Variants in KREMEN1 observed in about 807,000 individuals in gnomAD.
KREMEN1 encodes the protein kringle containing transmembrane protein 1.
Under a neutral mutation model 46.5 loss-of-function variants are expected in KREMEN1, and 30 were observed. The observed-to-expected ratio is 0.65, with a 90% CI of 0.48 to 0.88. KREMEN1 has a LOEUF of 0.88. Among genes scored for constraint, KREMEN1 ranks in the 40% least tolerant of loss-of-function variants. The probability of loss-of-function intolerance (pLI) is 0.00; values close to 1 mark genes in which losing one functional copy is unlikely to be tolerated. For synonymous variants in KREMEN1, 214 were observed against 230.6 expected, an observed-to-expected ratio of 0.93 and a Z score of 0.65; for missense variants, 533 against 596.9, an observed-to-expected ratio of 0.89 and a Z score of 1.11.
Position 29,143,444 on chromosome 22 carries a change from A to T in KREMEN1, c.*1332A>T. ...CTTCTGGTGTCCCCCGTGTTAAAAGATAAAAAACACCCCAAGGGCCGGGCG... is the reference window on the plus strand; with the variant it reads ...CTTCTGGTGTCCCCCGTGTTAAAAGTTAAAAAACACCCCAAGGGCCGGGCG... On this transcript the variant is annotated 3_prime_UTR_variant, in exon 9 of 9. Transcript: ENST00000400335. The T allele has an allele frequency of 1.0e-6, 1 of 985,410 alleles. No homozygotes were observed. Among genetic ancestry groups the T allele is most frequent in the Non-Finnish European group, 1.2e-6 (1 of 829,994 alleles). 61.0% of individuals were successfully genotyped at this position (985,410 alleles called of 1,614,324 possible).
At chr22:29,131,551 T>G (rs1333416044) in intron 5 of KREMEN1, among the ~76,000 whole-genome samples, 2 of 99,260 alleles carry the variant, frequency 2.0e-5, no homozygotes, top group South Asian at 3.0e-4. Flanking sequence ...TATATATATA[T>G]ATATATATAT....
chr22:29,167,087 G>C (rs2039058925), exon 10 of KREMEN1: 2 of 1,551,476 alleles, frequency 1.3e-6, no homozygotes, highest in African/African-American at 2.7e-5. Context: ...TGGTCTCAGG[G>C]GCAGCCCAGA....
At chr22:29,093,421 C>G (rs1298791940) in intron 1 of KREMEN1, among the ~76,000 whole-genome samples, 1 of 152,218 alleles carries the variant, frequency 6.6e-6, no homozygotes, top group African/African-American at 2.4e-5. Context: ...GTGCCTGTCT[C>G]ATGAACCTCT....
chr22:29,136,034 G>A (rs919345609), intron 5 of KREMEN1, among the ~76,000 whole-genome samples: 2 of 152,068 alleles, frequency 1.3e-5, no homozygotes, highest in East Asian at 2.0e-4. Context: ...AAATTCTCCC[G>A]TCTCAGCCTC....
chr22:29,107,677 A>T lies in KREMEN1; in HGVS notation c.352+8724A>T, dbSNP rs974939119. Among the ~76,000 whole-genome samples, 14 of 152,196 alleles carry T rather than the reference A, an allele frequency of 9.2e-5. 1 individual carries two copies. The highest frequency in any genetic ancestry group is 2.6e-4 in the Admixed American group (4 of 15,284). On this transcript the variant is annotated intron_variant, in intron 3 of 8. Coordinates refer to ENST00000400335, the MANE Select transcript of KREMEN1 (RefSeq NM_001039570.3). ...GGTGGGAGGATCGCTAGAGCCAAGG[A>T]GTTCAAGACTAGCCTGGGCAACATA... is the stretch of plus-strand genomic sequence containing the variant.
intron 1 of KREMEN1, among the ~76,000 whole-genome samples, chr22:29,089,635 C>T (rs1035764511): frequency 6.6e-6 from 1 of 152,068 alleles, no homozygotes; most frequent in Non-Finnish European, 1.5e-5. Context: ...TATGTCATTC[C>T]CCTGCTCTAA....
chr22:29,132,026 C>A (rs980413400), intron 5 of KREMEN1, among the ~76,000 whole-genome samples: 1 of 151,592 alleles, frequency 6.6e-6, no homozygotes, highest in Non-Finnish European at 1.5e-5. Flanking sequence ...GCATGCACCA[C>A]CACACATGGC....
chr22:29,156,344 G>T (rs5763006), intron 9 of KREMEN1, among the ~76,000 whole-genome samples: 1 of 152,194 alleles, frequency 6.6e-6, no homozygotes, highest in Admixed American at 6.5e-5. Flanking sequence ...GCCACTTGCA[G>T]TACAGATGTT....
intron 1 of KREMEN1, among the ~76,000 whole-genome samples, chr22:29,090,331 T>C (rs756199697): frequency 1.4e-4 from 21 of 152,278 alleles, no homozygotes; most frequent in Middle Eastern, 3.4e-3. Context: ...AGCTACATGA[T>C]AGACCTTATG....
intron 8 of KREMEN1, among the ~76,000 whole-genome samples, 164 bp from the exon 9 acceptor site, chr22:29,141,780 G>A (rs1458329538): frequency 6.6e-6 from 1 of 152,166 alleles, no homozygotes. Flanking sequence ...GCTGCCCACA[G>A]GCCACATTTC....
chr22:29,111,285 C>T (rs1171121043), intron 3 of KREMEN1, among the ~76,000 whole-genome samples: 1 of 145,200 alleles, frequency 6.9e-6, no homozygotes, highest in African/African-American at 2.6e-5. Flanking sequence ...CCAGCCTGGG[C>T]AACAGAGTGA....
intron 2 of KREMEN1, among the ~76,000 whole-genome samples, chr22:29,098,200 C>T (rs1372238012): frequency 6.6e-6 from 1 of 151,458 alleles, no homozygotes; most frequent in East Asian, 1.9e-4. Flanking sequence ...AAAAAAAAGC[C>T]TCATAAGACA....
intron 9 of KREMEN1, among the ~76,000 whole-genome samples, chr22:29,161,771 GAACATAGACAC>G (rs2039013825): frequency 6.6e-6 from 1 of 152,036 alleles, no homozygotes; most frequent in South Asian, 2.1e-4. Flanking sequence ...TATCCCTGAT[GAACATAGACAC>G]AACAATCCTC....
intron 2 of KREMEN1, among the ~76,000 whole-genome samples, chr22:29,095,017 T>G (rs1004200431): frequency 1.3e-5 from 2 of 152,150 alleles, no homozygotes; most frequent in Non-Finnish European, 2.9e-5. Flanking sequence ...TTGGGAGGGT[T>G]TTCTTAGTTA....
At chr22:29,088,360 G>A (rs5752864) in intron 1 of KREMEN1, among the ~76,000 whole-genome samples, 110,898 of 151,844 alleles carry the variant, frequency 0.73, 40,905 homozygotes, top group Middle Eastern at 0.84. Flanking sequence ...TGGGGTTCCC[G>A]CTCTGTCACC....
chr22:29,138,568 C>A (rs2038706067), intron 6 of KREMEN1, 56 bp from the exon 7 acceptor site: 2 of 1,540,290 alleles, frequency 1.3e-6, no homozygotes, highest in Admixed American at 3.3e-5. Flanking sequence ...TCCTCCCGCA[C>A]AACTCTTTGT....
chr22:29,126,415 GGT>G (rs132271), intron 5 of KREMEN1, among the ~76,000 whole-genome samples: 2,992 of 152,280 alleles, frequency 0.02, 44 homozygotes, highest in Non-Finnish European at 0.03. Context: ...CCTCACTTCT[GGT>G]GGTTGTCGGC....
At chr22:29,075,437 C>T (rs546559998) in intron 1 of KREMEN1, among the ~76,000 whole-genome samples, 11 of 152,132 alleles carry the variant, frequency 7.2e-5, no homozygotes, top group Middle Eastern at 3.4e-3. Flanking sequence ...AAGTTTGCAC[C>T]CCAAATTTTG....
downstream of KREMEN1, among the ~76,000 whole-genome samples, chr22:29,151,519 C>T (rs973072984): frequency 6.6e-6 from 1 of 152,198 alleles, no homozygotes; most frequent in African/African-American, 2.4e-5. Flanking sequence ...GCCATCTACG[C>T]AACTCCATGA....
Sources: gnomAD v4.1 joint callset for allele counts (sites outside exome capture counted in the v4.1 genomes callset) on GRCh38, gnomAD v4.1.1 for gene constraint, MANE v1.5 for transcripts, NCBI Gene and HGNC (gene_info 2026-07-23, HGNC 2026-07-21) for gene names.